The following PLCG2 variants were observed in gnomAD, a reference collection of about 807,000 sequenced individuals.
The protein encoded by PLCG2 is phospholipase C gamma 2.
A neutral mutation model predicts 175.6 loss-of-function variants in PLCG2; 69 were observed. That is an observed-to-expected ratio of 0.39 (90% CI 0.32 to 0.48). The LOEUF (loss-of-function observed/expected upper bound fraction) is 0.48, where lower values mean the gene tolerates loss of function less well. PLCG2 is among the 20% of genes least tolerant of loss of function. The pLI, the probability that PLCG2 is intolerant of heterozygous loss-of-function variation, is 0.91. For missense variants in PLCG2, 1,798 were observed against 1,650.9 expected (o/e 1.09, Z -1.54); for synonymous variants, 827 against 624.0 (o/e 1.33, Z -4.85).
intron 7 of PLCG2, among the ~76,000 whole-genome samples, chr16:81,878,785 T>C (rs1384766702): frequency 6.6e-6 from 1 of 152,206 alleles, no homozygotes; most frequent in Non-Finnish European, 1.5e-5. Context: ...GCCTTTGGGA[T>C]GCCCGACTGT....
rs35302433 is a variant in PLCG2 at position 81,758,677 on chromosome 16, C to CT, written c.-48+2726dup. 3.9e-3 allele frequency among the ~76,000 whole-genome samples: 558 copies of CT among 144,032 alleles called. 1 individual carries two copies. The highest frequency in any genetic ancestry group is 6.5e-3 in the African/African-American group (254 of 39,260). 94.5% of individuals were successfully genotyped at this position (144,032 alleles called of 152,430 possible). A position where few individuals can be genotyped will look rare whatever the true frequency, so the allele number is the denominator to read the frequency against. ...CCAATACTTGTTATTGTCCATCTCT[C>CT]TTTTTTTTTTTTTTTCCTGAGACAG... On this transcript the variant is annotated intron_variant, in intron 2 of 5. Transcript: ENST00000565054.
At chr16:81,937,699 G>T in intron 27 of PLCG2, 59 bp from the exon 28 acceptor site, 1 of 1,531,200 alleles carries the variant, frequency 6.5e-7, no homozygotes, top group Non-Finnish European at 9.0e-7. Flanking sequence ...GAAACTCCTG[G>T]CCTAGGGGGC....
intron 3 of PLCG2, among the ~76,000 whole-genome samples, chr16:81,857,428 A>C (rs577312120): frequency 6.6e-6 from 1 of 152,158 alleles, no homozygotes; most frequent in Non-Finnish European, 1.5e-5. Context: ...TGCTCTGGCT[A>C]CTGTAATGAA....
intron 2 of PLCG2, among the ~76,000 whole-genome samples, chr16:81,817,510 CT>C (rs1389378970): frequency 6.6e-6 from 1 of 152,238 alleles, no homozygotes; most frequent in African/African-American, 2.4e-5. Context: ...CTTTTGTCAG[CT>C]GTGTTTGGTG....
chr16:81,786,282 G>A (rs1262245299), intron 2 of PLCG2, 100 bp downstream of exon 2: 3 of 942,208 alleles, frequency 3.2e-6, no homozygotes, highest in Non-Finnish European at 4.8e-6. Context: ...ATTGTTGTTG[G>A]TTTGATGTGT....
chr16:81,878,218 T>C (rs924323548), intron 7 of PLCG2, among the ~76,000 whole-genome samples: 1 of 151,908 alleles, frequency 6.6e-6, no homozygotes, highest in Non-Finnish European at 1.5e-5. Flanking sequence ...TCTCCTGACC[T>C]AGTGATCCGC....
chr16:81,780,779 C>G (rs1208002028), intron 1 of PLCG2, among the ~76,000 whole-genome samples: 1 of 152,184 alleles, frequency 6.6e-6, no homozygotes, highest in African/African-American at 2.4e-5. Context: ...GTAATCCCAG[C>G]ACTTTGGGAG....
At chr16:81,774,431 C>G (rs1237737005), upstream of PLCG2, among the ~76,000 whole-genome samples, 3 of 152,150 alleles carry the variant, frequency 2.0e-5, no homozygotes, top group African/African-American at 4.8e-5. Context: ...CCTCCCCTAC[C>G]TCCAGAAGCA....
At chr16:81,839,339 C>T (rs1462474472) in intron 2 of PLCG2, among the ~76,000 whole-genome samples, 3 of 151,630 alleles carry the variant, frequency 2.0e-5, no homozygotes, top group African/African-American at 4.9e-5. Flanking sequence ...CAAAACTGGT[C>T]AATCCATGTG....
At chr16:81,829,919 G>A (rs909814737) in intron 2 of PLCG2, among the ~76,000 whole-genome samples, 5 of 152,032 alleles carry the variant, frequency 3.3e-5, no homozygotes, top group Non-Finnish European at 2.9e-5. Context: ...CTCTCTAGGG[G>A]GCTTATTCTA....
At chr16:81,805,746 A>G (rs1454075821) in intron 2 of PLCG2, among the ~76,000 whole-genome samples, 2 of 134,986 alleles carry the variant, frequency 1.5e-5, no homozygotes, top group Non-Finnish European at 3.1e-5. Flanking sequence ...AATACCAGCC[A>G]TGAGAGTAGT....
intron 2 of PLCG2, among the ~76,000 whole-genome samples, chr16:81,823,031 G>A (rs979183234): frequency 1.3e-5 from 2 of 152,258 alleles, no homozygotes; most frequent in Non-Finnish European, 2.9e-5. Flanking sequence ...ATAAATGTGT[G>A]TTGCTTTAAG....
Position 81,961,910 on chromosome 16 carries a change from G to A in PLCG2, c.*3912G>A, listed in dbSNP as rs1911789773. 1.0e-5 allele frequency: 2 copies of A among 198,628 alleles called. No individual in the cohort carries two copies. The highest frequency in any genetic ancestry group is 2.3e-5 in the African/African-American group (1 of 43,368). The allele number at this position is 198,628 out of a possible 1,614,324, so 12.3% of individuals were successfully genotyped here. A position where few individuals can be genotyped will look rare whatever the true frequency, so the allele number is the denominator to read the frequency against. ...ACTTAAGAGTATCTGAGCATAAAAT[G>A]TTAAGATTGCTGATCGGATGTGAGG... On this transcript the variant is annotated 3_prime_UTR_variant, in exon 33 of 33. Transcript: ENST00000564138.
upstream of PLCG2, among the ~76,000 whole-genome samples, chr16:81,776,088 T>TTTCTTTCTTTCTTTCTTTCTTC (rs61683542): frequency 6.4e-5 from 3 of 47,116 alleles, no homozygotes; most frequent in Non-Finnish European, 1.1e-4. Flanking sequence ...TCTCTCTCTC[T>TTTCTTTCTTTCTTTCTTTCTTC]CTTTCTTTCT....
At chr16:81,888,585 A>G (rs941521791) in intron 9 of PLCG2, among the ~76,000 whole-genome samples, 14 of 152,174 alleles carry the variant, frequency 9.2e-5, no homozygotes, top group East Asian at 3.8e-4. Flanking sequence ...ATTTCATACA[A>G]TGCTTCACAG....
intron 31 of PLCG2, among the ~76,000 whole-genome samples, chr16:81,954,945 C>G (rs1684913218): frequency 6.6e-6 from 1 of 152,214 alleles, no homozygotes; most frequent in African/African-American, 2.4e-5. Flanking sequence ...AACTAATTTT[C>G]ATTCCCACCG....
At chr16:81,938,520 T>G (rs1267737883) in intron 28 of PLCG2, 1 of 450,608 alleles carries the variant, frequency 2.2e-6, no homozygotes, top group Non-Finnish European at 4.0e-6. Flanking sequence ...AGGCACCTGC[T>G]TGGGCATGGA....
chr16:81,779,840 C>G (rs1445017319), intron 1 of PLCG2, among the ~76,000 whole-genome samples: 1 of 152,234 alleles, frequency 6.6e-6, no homozygotes, highest in African/African-American at 2.4e-5. Flanking sequence ...ACTTCCCTGT[C>G]TCACTTCGGT....
chr16:81,903,511 G>A (rs1313843839), intron 14 of PLCG2, among the ~76,000 whole-genome samples: 1 of 152,250 alleles, frequency 6.6e-6, no homozygotes, highest in African/African-American at 2.4e-5. Context: ...TCTTGCAGAT[G>A]AGAAGTGTGA....
Sources: allele counts gnomAD v4.1 joint callset (sites outside exome capture counted in the v4.1 genomes callset), GRCh38; gene constraint gnomAD v4.1.1; transcripts MANE v1.5; gene names NCBI Gene and HGNC (gene_info 2026-07-23, HGNC 2026-07-21).